Variants in ZEB1 observed in about 807,000 individuals in gnomAD.
ZEB1 encodes the protein zinc finger E-box-binding homeobox 1.
A neutral mutation model predicts 84.9 loss-of-function variants in ZEB1; 21 were observed. The observed-to-expected ratio is 0.25, with a 90% CI of 0.18 to 0.36. The LOEUF is 0.36. Ranked by LOEUF, ZEB1 falls within the 10% of genes least tolerant of loss-of-function variation. The pLI, the probability that ZEB1 is intolerant of heterozygous loss-of-function variation, is 1.00. For missense variants in ZEB1, 1,104 were observed against 1,330.2 expected (o/e 0.83, Z 2.65); for synonymous variants, 420 against 471.1 (o/e 0.89, Z 1.41).
chr10:31,320,555 T>C (rs2033677143), intron 1 of ZEB1: 1 of 152,026 alleles, frequency 6.6e-6, no homozygotes, highest in Non-Finnish European at 1.5e-5. Flanking sequence ...GCAGTGTTTA[T>C]TGATTTGTGC....
chr10:31,491,597 C>T lies in ZEB1; in HGVS notation c.260-4179C>T, dbSNP rs185413024. Among the ~76,000 whole-genome samples, 45 of 151,990 alleles carry T rather than the reference C, an allele frequency of 3.0e-4. 1 individual carries two copies. The East Asian group carries it at 8.8e-3, about 30-fold the overall frequency. Reference sequence around the variant, plus strand: ...GAAGAAAGAAAAAGGTAAGGGGAATCACCCTGTGCTACTCTGAATTCTTGT... The same window carrying T: ...GAAGAAAGAAAAAGGTAAGGGGAATTACCCTGTGCTACTCTGAATTCTTGT... On this transcript the variant is annotated intron_variant, in intron 2 of 8. Coordinates refer to ENST00000424869, the MANE Select transcript of ZEB1 (RefSeq NM_001174096.2).
intron 1 of ZEB1, chr10:31,387,678 T>G: frequency 3.4e-6 from 3 of 883,394 alleles, no homozygotes; most frequent in Non-Finnish European, 4.1e-6. Flanking sequence ...GAAGAATTAC[T>G]TTTCATGATC....
chr10:31,369,224 A>G (rs2045224923), intron 1 of ZEB1, among the ~76,000 whole-genome samples: 1 of 152,156 alleles, frequency 6.6e-6, no homozygotes, highest in African/African-American at 2.4e-5. Flanking sequence ...ATATTGAGAC[A>G]TTTGAAATTT....
chr10:31,390,907 G>A (rs368389404), intron 1 of ZEB1, among the ~76,000 whole-genome samples: 193 of 152,178 alleles, frequency 1.3e-3, no homozygotes, highest in African/African-American at 4.4e-3. Context: ...CATTTTTGAA[G>A]CATACAGTCA....
chr10:31,355,752 G>A (rs550343073), intron 1 of ZEB1, among the ~76,000 whole-genome samples: 6 of 152,218 alleles, frequency 3.9e-5, no homozygotes, highest in East Asian at 1.9e-4. Flanking sequence ...CAGTGTGAGC[G>A]TTGAAAAGAA....
At position 31,389,842 on chromosome 10, in the gene ZEB1, C is replaced by T. The variant is rs2049302668; in HGVS notation, c.58+70550C>T. ...AATGTTTTATGAGATTTTTTTCATA[C>T]TCAGCATTCAAAATCTGTGTATTTT... On this transcript the variant is annotated intron_variant, in intron 1 of 8. Transcript: ENST00000424869. 2.6e-5 allele frequency: 4 copies of T among 151,948 alleles called. No homozygotes were observed. In the South Asian group the frequency reaches 8.3e-4, roughly 31 times the overall value. 9.4% of individuals were successfully genotyped at this position (151,948 alleles called of 1,614,324 possible).
At position 31,526,949 on chromosome 10, in the gene ZEB1, C is replaced by T. The variant is rs1279933009; in HGVS notation, c.3063C>T (p.Gly1021=). 6 of 1,613,726 alleles carry T rather than the reference C, an allele frequency of 3.7e-6. No homozygotes were observed. The highest frequency in any genetic ancestry group is 2.2e-5 in the South Asian group (2 of 91,056). ...HVGARASPSQ[G]DSDERESLTR... is the part of the protein sequence containing the mutation. ...GTGCCAGGGCGTCTCCCTCACAGGG[C>T]GACTCGGACGAGAGAGAGAGTTTGA... The change falls in exon 9 of 9, where the codon GGC becomes GGT. Residue 1021 remains glycine, a synonymous_variant. Transcript: ENST00000424869.
intron 1 of ZEB1, among the ~76,000 whole-genome samples, chr10:31,424,259 C>A (rs1031884138): frequency 2.0e-5 from 3 of 151,882 alleles, no homozygotes; most frequent in Non-Finnish European, 4.4e-5. Flanking sequence ...GCAGACTAGT[C>A]TTTTCATCAT....
intron 1 of ZEB1, among the ~76,000 whole-genome samples, chr10:31,345,750 T>G (rs2040191883): frequency 6.6e-6 from 1 of 152,096 alleles, no homozygotes; most frequent in Non-Finnish European, 1.5e-5. Flanking sequence ...TCAGCTTCCC[T>G]AGATCCCAAG....
intron 1 of ZEB1, among the ~76,000 whole-genome samples, chr10:31,449,825 G>T (rs1383992568): frequency 2.0e-5 from 3 of 152,124 alleles, no homozygotes; most frequent in African/African-American, 7.2e-5. Context: ...CCAACAGTAT[G>T]TATCAAGAAT....
At chr10:31,477,308 A>G (rs1350509924) in intron 2 of ZEB1, among the ~76,000 whole-genome samples, 2 of 152,020 alleles carry the variant, frequency 1.3e-5, no homozygotes, top group East Asian at 3.9e-4. Flanking sequence ...GTCACACACA[A>G]AAATAAAATA....
chr10:31,529,528 T>G lies in ZEB1; in HGVS notation c.*2264T>G, dbSNP rs1163605753. On this transcript the variant is annotated 3_prime_UTR_variant, in exon 9 of 9. Transcript: ENST00000424869. ...TTCTGTCATCATACCTCTGATACTA[T>G]TATTTATATTCCTTCCCCACTAGGA... 1.3e-5 allele frequency: 2 copies of G among 152,236 alleles called. No homozygotes were observed. Among genetic ancestry groups the G allele is most frequent in the African/African-American group, 4.8e-5 (2 of 41,462 alleles). 9.4% of individuals were successfully genotyped at this position (152,236 alleles called of 1,614,324 possible). A position where few individuals can be genotyped will look rare whatever the true frequency, so the allele number is the denominator to read the frequency against.
intron 1 of ZEB1, among the ~76,000 whole-genome samples, chr10:31,389,002 G>T (rs753275605): frequency 1.1e-4 from 16 of 151,954 alleles, no homozygotes; most frequent in Non-Finnish European, 2.2e-4. Context: ...TTTGTTTTAT[G>T]ATAGTACATA....
At chr10:31,415,203 C>T (rs926643200) in intron 1 of ZEB1, among the ~76,000 whole-genome samples, 3 of 152,018 alleles carry the variant, frequency 2.0e-5, no homozygotes, top group Non-Finnish European at 2.9e-5. Context: ...ATTAACTGTT[C>T]GACAGAGAGA....
At chr10:31,386,025 T>C (rs986671195) in intron 1 of ZEB1, among the ~76,000 whole-genome samples, 7 of 152,094 alleles carry the variant, frequency 4.6e-5, no homozygotes, top group African/African-American at 7.2e-5. Context: ...CTGATTTTAA[T>C]TTAATATTAT....
At chr10:31,500,254 A>T (rs1048953508) in intron 3 of ZEB1, among the ~76,000 whole-genome samples, 3 of 152,162 alleles carry the variant, frequency 2.0e-5, no homozygotes, top group Admixed American at 1.3e-4. Context: ...AAAGAATGCC[A>T]CTGATTTGTT....
intron 1 of ZEB1, among the ~76,000 whole-genome samples, chr10:31,375,377 A>G (rs1254375510): frequency 1.3e-5 from 2 of 151,718 alleles, no homozygotes. Context: ...TGGAATGTAC[A>G]TGATATTCAT....
At chr10:31,347,154 C>G (rs1211630600) in intron 1 of ZEB1, among the ~76,000 whole-genome samples, 1 of 151,850 alleles carries the variant, frequency 6.6e-6, no homozygotes, top group East Asian at 1.9e-4. Context: ...GTTTTTCTTC[C>G]CTATGAGGAA....
intron 1 of ZEB1, among the ~76,000 whole-genome samples, chr10:31,404,431 A>G (rs2052603128): frequency 6.6e-6 from 1 of 152,140 alleles, no homozygotes; most frequent in African/African-American, 2.4e-5. Flanking sequence ...AAATCATTTA[A>G]AAAATATGTT....
Sources: allele counts gnomAD v4.1 joint callset (sites outside exome capture counted in the v4.1 genomes callset), GRCh38; gene constraint gnomAD v4.1.1; transcripts MANE v1.5; gene names NCBI Gene and HGNC (gene_info 2026-07-23, HGNC 2026-07-21).